The following CPXM2 variants were observed in gnomAD, a reference collection of about 807,000 sequenced individuals.
The protein encoded by CPXM2 is carboxypeptidase X, M14 family member 2, also known as inactive carboxypeptidase-like protein X2.
In CPXM2, 66 loss-of-function variants were observed where a neutral mutation model predicts 86.1. That is an observed-to-expected ratio of 0.77 (90% CI 0.63 to 0.94). CPXM2 has a LOEUF of 0.94. Ranked by LOEUF, CPXM2 falls within the 40% of genes least tolerant of loss-of-function variation. The pLI is 0.00. For missense variants in CPXM2, 948 were observed against 1,026.3 expected, an observed-to-expected ratio of 0.92 and a Z score of 1.04; for synonymous variants, 388 against 400.2, an observed-to-expected ratio of 0.97 and a Z score of 0.36.
intron 4 of CPXM2, among the ~76,000 whole-genome samples, chr10:123,822,836 T>C (rs1263964428): frequency 1.3e-5 from 2 of 152,142 alleles, no homozygotes; most frequent in East Asian, 3.8e-4. Flanking sequence ...CTCTACTCTG[T>C]AGCACTGAAG....
chr10:123,766,761 A>C (rs2133998026), intron 10 of CPXM2, among the ~76,000 whole-genome samples: 1 of 152,342 alleles, frequency 6.6e-6, no homozygotes, highest in African/African-American at 2.4e-5. Flanking sequence ...CTTGTTAAGA[A>C]ATACAATTAG....
intron 12 of CPXM2, among the ~76,000 whole-genome samples, chr10:123,756,739 A>T (rs1249602126): frequency 6.6e-6 from 1 of 152,230 alleles, no homozygotes; most frequent in East Asian, 1.9e-4. Context: ...ACAGAGGTGC[A>T]TGCACAGAGG....
At chr10:123,876,700 T>A (rs1325092560) in intron 2 of CPXM2, among the ~76,000 whole-genome samples, 1 of 152,218 alleles carries the variant, frequency 6.6e-6, no homozygotes. Context: ...GCATAAAATA[T>A]TTACAATCTG....
At chr10:123,843,521 C>T (rs1223892635) in intron 3 of CPXM2, among the ~76,000 whole-genome samples, 2 of 150,366 alleles carry the variant, frequency 1.3e-5, no homozygotes, top group Non-Finnish European at 1.5e-5. Flanking sequence ...GCAAGCTCCG[C>T]CTCCCGGGTT....
intron 4 of CPXM2, among the ~76,000 whole-genome samples, chr10:123,818,818 G>T (rs12266224): frequency 9.5e-4 from 144 of 152,272 alleles, no homozygotes; most frequent in Non-Finnish European, 1.3e-3. Flanking sequence ...TCTCCAGAAG[G>T]CCATGTATGC....
At chr10:123,897,589 G>A (rs1945347941) in intron 2 of CPXM2, among the ~76,000 whole-genome samples, 1 of 152,132 alleles carries the variant, frequency 6.6e-6, no homozygotes, top group African/African-American at 2.4e-5. Flanking sequence ...ACACTGGGGT[G>A]GTCATGGGTG....
chr10:123,909,351 G>A lies in CPXM2; in HGVS notation n.175-29042C>T, dbSNP rs758622373. Among the ~76,000 whole-genome samples, 104 of 152,210 alleles carry A rather than the reference G, an allele frequency of 6.8e-4. 1 individual carries two copies. Among genetic ancestry groups the A allele is most frequent in the Non-Finnish European group, 8.5e-4 (58 of 68,044 alleles). On this transcript the variant is annotated intron_variant and non_coding_transcript_variant, in intron 2 of 19. Transcript: ENST00000368854. ...TATGTTTCTATAAATCCCGATTGCA[G>A]TCCACACAAGGCTTAATTTTTTTTC...
intron 4 of CPXM2, among the ~76,000 whole-genome samples, chr10:123,831,274 G>T (rs1391573035): frequency 6.6e-6 from 1 of 152,152 alleles, no homozygotes. Flanking sequence ...TGGAATAGTT[G>T]CTTGAGGGAC....
intron 4 of CPXM2, among the ~76,000 whole-genome samples, chr10:123,835,348 T>A (rs1443518650): frequency 6.6e-6 from 1 of 152,148 alleles, no homozygotes; most frequent in Non-Finnish European, 1.5e-5. Flanking sequence ...GATTTCCCCG[T>A]CTGAGAGCTC....
chr10:123,920,598 T>A (rs1292660213), intron 2 of CPXM2, among the ~76,000 whole-genome samples: 1 of 152,232 alleles, frequency 6.6e-6, no homozygotes, highest in African/African-American at 2.4e-5. Flanking sequence ...ATTGGTAAAT[T>A]GTCCTTTTAT....
chr10:123,864,842 T>A (rs118097105), intron 2 of CPXM2, among the ~76,000 whole-genome samples: 3,033 of 152,324 alleles, frequency 0.02, 48 homozygotes, highest in Middle Eastern at 0.037. Context: ...TAAAATTACA[T>A]ATCCATCAAA....
intron 13 of CPXM2, chr10:123,751,500 G>A (rs1208510156): frequency 5.4e-5 from 53 of 984,928 alleles, no homozygotes; most frequent in Non-Finnish European, 6.4e-5. Flanking sequence ...CCTATACGTG[G>A]GCAGAAGGGG....
intron 4 of CPXM2, among the ~76,000 whole-genome samples, chr10:123,799,706 T>C (rs1847411998): frequency 6.6e-6 from 1 of 152,234 alleles, no homozygotes; most frequent in African/African-American, 2.4e-5. Context: ...TAAGAGATAC[T>C]GAGTTTCTCC....
chr10:123,767,725 A>C (rs1219734), intron 9 of CPXM2, among the ~76,000 whole-genome samples: 84,974 of 152,054 alleles, frequency 0.56, 24,172 homozygotes, highest in Middle Eastern at 0.83. Context: ...TATATGTTCT[A>C]TTTATACATA....
At chr10:123,913,183 T>C (rs542922300) in intron 2 of CPXM2, among the ~76,000 whole-genome samples, 2 of 152,324 alleles carry the variant, frequency 1.3e-5, no homozygotes, top group South Asian at 2.1e-4. Flanking sequence ...ATAAAAGATG[T>C]GCTGTGGGTA....
chr10:123,924,837 C>T (rs1002862706), intron 2 of CPXM2, among the ~76,000 whole-genome samples: 4 of 151,978 alleles, frequency 2.6e-5, no homozygotes, highest in African/African-American at 7.3e-5. Flanking sequence ...TCAGGAAATT[C>T]CATAGGATTT....
At chr10:123,778,306 G>A (rs943258407) in intron 7 of CPXM2, among the ~76,000 whole-genome samples, 4 of 152,204 alleles carry the variant, frequency 2.6e-5, no homozygotes, top group Non-Finnish European at 5.9e-5. Flanking sequence ...GACTCCATAT[G>A]GGGAAGTTGC....
intron 7 of CPXM2, among the ~76,000 whole-genome samples, 189 bp from the exon 8 acceptor site, chr10:123,771,228 C>T (rs185757837): frequency 1.1e-4 from 16 of 152,234 alleles, no homozygotes; most frequent in African/African-American, 3.9e-4. Context: ...CTGGATAATG[C>T]CCACTTTCCT....
chr10:123,863,776 C>A (rs1400014992), intron 2 of CPXM2, among the ~76,000 whole-genome samples: 2 of 152,338 alleles, frequency 1.3e-5, no homozygotes, highest in Middle Eastern at 3.4e-3. Flanking sequence ...CAGCTTGGCC[C>A]CTGAGCCCAG....
Sources: gnomAD v4.1 joint callset for allele counts (sites outside exome capture counted in the v4.1 genomes callset) on GRCh38, gnomAD v4.1.1 for gene constraint, MANE v1.5 for transcripts, NCBI Gene and HGNC (gene_info 2026-07-23, HGNC 2026-07-21) for gene names.